The following LRRTM4 variants were observed in gnomAD, a reference collection of about 807,000 sequenced individuals.
The protein encoded by LRRTM4 is leucine rich repeat transmembrane neuronal 4, also known as leucine-rich repeat transmembrane neuronal protein 4.
In LRRTM4, 25 loss-of-function variants were observed where a neutral mutation model predicts 47.6. The observed-to-expected ratio is 0.53, with a 90% CI of 0.38 to 0.73. LRRTM4 has a LOEUF of 0.73. LRRTM4 is among the 30% of genes least tolerant of loss of function. The pLI, the probability that LRRTM4 is intolerant of heterozygous loss-of-function variation, is 0.00. For synonymous variants in LRRTM4, 311 were observed against 269.5 expected (o/e 1.15, Z -1.51); for missense variants, 638 against 713.4 (o/e 0.89, Z 1.20).
At chr2:77,093,458 C>T (rs1324661375) in intron 3 of LRRTM4, among the ~76,000 whole-genome samples, 1 of 151,452 alleles carries the variant, frequency 6.6e-6, no homozygotes, top group African/African-American at 2.4e-5. Flanking sequence ...TTTCTTCTAA[C>T]ATCCCCACAA....
rs531578772 is a variant in LRRTM4, at chr2:77,097,965, A to G, written c.1552-349049T>C. 1.8e-4 allele frequency among the ~76,000 whole-genome samples: 27 copies of G among 152,116 alleles called. No individual in the cohort carries two copies. In the South Asian group the frequency reaches 5.4e-3, roughly 30 times the overall value. On this transcript the variant is annotated intron_variant, in intron 3 of 3. Coordinates refer to ENST00000409884, the MANE Select transcript of LRRTM4 (RefSeq NM_001134745.3). ...ATATGAGAATAAAAAGATAAAAATG[A>G]TAAGGAAAATAAGGCGATAAAATTA...
At chr2:77,136,704 T>C (rs545797795) in intron 3 of LRRTM4, among the ~76,000 whole-genome samples, 2 of 152,180 alleles carry the variant, frequency 1.3e-5, no homozygotes, top group East Asian at 1.9e-4. Flanking sequence ...TTCGAAACCA[T>C]GGCAAAGAAG....
chr2:76,939,013 A>G (rs1201686067), intron 3 of LRRTM4, among the ~76,000 whole-genome samples: 2 of 152,120 alleles, frequency 1.3e-5, no homozygotes, highest in African/African-American at 4.8e-5. Context: ...GTAGGAGATT[A>G]TGAATAAGTT....
intron 3 of LRRTM4, among the ~76,000 whole-genome samples, chr2:77,280,908 A>G (rs1432250124): frequency 6.6e-6 from 1 of 152,022 alleles, no homozygotes; most frequent in East Asian, 1.9e-4. Flanking sequence ...CAAGAAAAAT[A>G]TCAGAAGACT....
intron 3 of LRRTM4, among the ~76,000 whole-genome samples, chr2:77,018,470 G>C (rs1348829): frequency 6.6e-6 from 1 of 151,516 alleles, no homozygotes; most frequent in Admixed American, 6.6e-5. Flanking sequence ...TTTTGCACTA[G>C]ACTGCTCTGT....
intron 3 of LRRTM4, among the ~76,000 whole-genome samples, chr2:77,081,052 T>A (rs13394351): frequency 0.03 from 4,511 of 152,270 alleles, 219 homozygotes; most frequent in African/African-American, 0.1. Context: ...ATGCCTCCCA[T>A]GCTGCTTATG....
intron 3 of LRRTM4, among the ~76,000 whole-genome samples, chr2:77,059,745 A>C (rs971858282): frequency 6.6e-6 from 1 of 152,202 alleles, no homozygotes; most frequent in African/African-American, 2.4e-5. Context: ...TTACTTGACC[A>C]CTTTTGGGAG....
At position 77,327,378 on chromosome 2, in the gene LRRTM4, C is replaced by T. The variant is rs900327541; in HGVS notation, c.1551+190940G>A. Among the ~76,000 whole-genome samples the T allele has an allele frequency of 5.9e-5, 9 of 152,128 alleles. No individual in the cohort carries two copies. In the East Asian group the frequency reaches 9.6e-4, roughly 16 times the overall value. ...GCTTTCCAATATTACATACCACTTA[C>T]GTGGGCATAGAGTTCAGTTTTTACA... is the stretch of plus-strand genomic sequence containing the variant. On this transcript the variant is annotated intron_variant, in intron 3 of 3. Coordinates refer to ENST00000409884, the MANE Select transcript of LRRTM4 (RefSeq NM_001134745.3).
intron 3 of LRRTM4, among the ~76,000 whole-genome samples, chr2:77,362,138 A>AAAGAAAGAAAGAAAGAAAGAAAGAAAGG (rs60501679): frequency 9.7e-6 from 1 of 103,138 alleles, no homozygotes; most frequent in East Asian, 3.3e-4. Context: ...AGAAAGAAAG[A>AAAGAAAGAAAGAAAGAAAGAAAGAAAGG]AAGAAAGAAA....
chr2:77,246,686 C>A (rs1675455479), intron 3 of LRRTM4, among the ~76,000 whole-genome samples: 1 of 151,910 alleles, frequency 6.6e-6, no homozygotes, highest in Non-Finnish European at 1.5e-5. Context: ...CTGCCTACTT[C>A]ACAATGTAGG....
At chr2:77,103,159 A>G (rs2103915328) in intron 3 of LRRTM4, among the ~76,000 whole-genome samples, 1 of 152,324 alleles carries the variant, frequency 6.6e-6, no homozygotes, top group South Asian at 2.1e-4. Context: ...ATTTGGGGGC[A>G]GAGACAGCAG....
intron 3 of LRRTM4, among the ~76,000 whole-genome samples, chr2:77,294,424 T>C (rs1265779239): frequency 6.6e-6 from 1 of 152,178 alleles, no homozygotes; most frequent in South Asian, 2.1e-4. Context: ...CAGAATGTAT[T>C]CATATAGGTT....
chr2:77,063,395 A>G (rs1473091257), intron 3 of LRRTM4, among the ~76,000 whole-genome samples: 2 of 152,184 alleles, frequency 1.3e-5, no homozygotes, highest in Non-Finnish European at 2.9e-5. Flanking sequence ...CTGCCTTCTT[A>G]GCCTGTGTAT....
intron 3 of LRRTM4, among the ~76,000 whole-genome samples, chr2:77,330,212 C>A (rs927118445): frequency 3.3e-5 from 5 of 152,020 alleles, no homozygotes; most frequent in African/African-American, 1.2e-4. Flanking sequence ...GGTGGGGAGA[C>A]CATTTGTTCA....
chr2:77,073,751 TTCTG>T (rs1415463362), intron 3 of LRRTM4, among the ~76,000 whole-genome samples: 1 of 151,998 alleles, frequency 6.6e-6, no homozygotes, highest in Non-Finnish European at 1.5e-5. Flanking sequence ...TAATGTTTTT[TTCTG>T]TCTCTCTCTC....
intron 3 of LRRTM4, among the ~76,000 whole-genome samples, chr2:77,283,655 A>G (rs894032569): frequency 3.9e-5 from 6 of 152,090 alleles, no homozygotes; most frequent in African/African-American, 1.4e-4. Flanking sequence ...AAGTAATGAA[A>G]TCGTATCTTT....
intron 3 of LRRTM4, among the ~76,000 whole-genome samples, chr2:76,855,977 T>C (rs1672137192): frequency 6.6e-6 from 1 of 152,192 alleles, no homozygotes; most frequent in African/African-American, 2.4e-5. Flanking sequence ...CACTCTGGCA[T>C]TCAAGGAAGT....
intron 3 of LRRTM4, among the ~76,000 whole-genome samples, chr2:76,963,929 A>G (rs1232159306): frequency 1.3e-5 from 2 of 150,782 alleles, no homozygotes; most frequent in Non-Finnish European, 3.0e-5. Context: ...ATTACACAAA[A>G]CATGTCATTA....
At chr2:77,432,512 T>G (rs1205066226) in intron 3 of LRRTM4, among the ~76,000 whole-genome samples, 4 of 152,260 alleles carry the variant, frequency 2.6e-5, no homozygotes, top group South Asian at 2.1e-4. Context: ...GTTTATCTCA[T>G]TCATTCAATT....
Sources: allele counts gnomAD v4.1 joint callset (sites outside exome capture counted in the v4.1 genomes callset), GRCh38; gene constraint gnomAD v4.1.1; transcripts MANE v1.5; gene names NCBI Gene and HGNC (gene_info 2026-07-23, HGNC 2026-07-21).